MAP3K15: variants seen among roughly 807,000 people sequenced by gnomAD.
MAP3K15 encodes mitogen-activated protein kinase kinase kinase 15, also known as MAPK/ERK kinase kinase 15.
Under a neutral mutation model 99.5 loss-of-function variants are expected in MAP3K15, and 124 were observed. The ratio of observed to expected loss-of-function variants is 1.25; its 90% CI spans 1.08 to 1.45. MAP3K15 has a LOEUF of 1.45. Among genes scored for constraint, MAP3K15 ranks in the 40% most tolerant of loss-of-function variants. MAP3K15 has a pLI of 0.00. For synonymous variants in MAP3K15, 494 were observed against 439.6 expected, an observed-to-expected ratio of 1.12 and a Z score of -1.55; for missense variants, 1,242 against 1,079.7, an observed-to-expected ratio of 1.15 and a Z score of -2.11.
chrX:19,424,617 G>A (rs2063815669), intron 9 of MAP3K15, among the ~76,000 whole-genome samples: 1 of 110,356 alleles, frequency 9.1e-6, no homozygotes, highest in Non-Finnish European at 1.9e-5. Context: ...TCTGAGAGTG[G>A]GCCCAGCAAT....
At position 19,374,474 on chromosome X, in the gene MAP3K15, C is replaced by G; in HGVS notation, c.2773+3G>C. The G allele has an allele frequency of 8.3e-7, 1 of 1,209,536 alleles. No homozygotes were observed. Among genetic ancestry groups the G allele is most frequent in the South Asian group, 1.8e-5 (1 of 56,685 alleles). On this transcript the variant is annotated splice_donor_region_variant and intron_variant, in intron 20 of 28. Coordinates refer to ENST00000338883, the MANE Select transcript of MAP3K15 (RefSeq NM_001001671.4). The stretch of plus-strand genomic sequence containing the variant: ...CTGCCCCAGCTGTCCAGGGAGGCCT[C>G]ACCTGAGGGCTTGAAGGCAATTCGG...
At chrX:19,411,981 C>T (rs1366263830) in intron 11 of MAP3K15, among the ~76,000 whole-genome samples, 1 of 112,121 alleles carries the variant, frequency 8.9e-6, no homozygotes, top group Non-Finnish European at 1.9e-5. Flanking sequence ...TCACATCCAA[C>T]TGCATAGAAA....
rs775179822 is a variant in MAP3K15 at position 19,417,513 on chromosome X, C to T, written c.1440-2256G>A. On this transcript the variant is annotated intron_variant, in intron 9 of 28. Coordinates refer to ENST00000338883, the MANE Select transcript of MAP3K15 (RefSeq NM_001001671.4). ...CTGGGGGAGGGGCGCCCACCACTGC[C>T]GAGGCTTGAGTAGGTAAACAAAGCC... 6.9e-4 allele frequency among the ~76,000 whole-genome samples: 77 copies of T among 111,622 alleles called. No homozygotes were observed. The South Asian group carries it at 0.022, about 32-fold the overall frequency.
chrX:19,369,471 G>A (rs780536994), intron 24 of MAP3K15, among the ~76,000 whole-genome samples: 5 of 112,056 alleles, frequency 4.5e-5, no homozygotes, highest in South Asian at 3.7e-4. Context: ...CAAGGCCAGC[G>A]TTCAAAAGGT....
intron 19 of MAP3K15, 92 bp downstream of exon 19, chrX:19,380,028 C>A: frequency 1.0e-6 from 1 of 962,041 alleles, no homozygotes; most frequent in Non-Finnish European, 1.4e-6. Flanking sequence ...TCTCTCCTAC[C>A]TTTGTGGAGA....
rs2063287030 is a variant in MAP3K15, at chrX:19,361,482, T to C, written c.3780+11A>G. 3 of 1,204,234 alleles carry C rather than the reference T, an allele frequency of 2.5e-6. No individual in the cohort carries two copies. The highest frequency in any genetic ancestry group is 3.4e-6 in the Non-Finnish European group (3 of 889,704). ...AACAACAGCATAAGAATTTCTTTGT[T>C]GTAAATTTACCTTTTCAATTGTCTT... On this transcript the variant is annotated intron_variant, in intron 27 of 28. Transcript: ENST00000338883.
At position 19,413,402 on chromosome X, in the gene MAP3K15, G is replaced by A. The variant is rs780220344; in HGVS notation, c.1653C>T (p.Ala551=). The A allele has an allele frequency of 3.7e-5, 44 of 1,204,864 alleles. No individual in the cohort carries two copies. In the Admixed American group the frequency reaches 4.0e-4, roughly 11 times the overall value. Residue 551 remains alanine, a synonymous_variant, in exon 11 of 29, where the codon GCC becomes GCT. Coordinates refer to ENST00000338883, the MANE Select transcript of MAP3K15 (RefSeq NM_001001671.4). ...QPSYVSINNE[A]EERTVSLWHV... The stretch of plus-strand genomic sequence containing the variant: ...GCCATAAAGAAACTGTTCTCTCCTC[G>A]GCTTCATTGTTTATGGAAACATAAG...
rs571217918 is a variant in MAP3K15 at position 19,414,559 on chromosome X, G to A, written c.1590+548C>T. Among the ~76,000 whole-genome samples, 13 of 112,232 alleles carry A rather than the reference G, an allele frequency of 1.2e-4. No homozygotes were observed. In the South Asian group the frequency reaches 4.7e-3, roughly 41 times the overall value. On this transcript the variant is annotated intron_variant, in intron 10 of 28. Transcript: ENST00000338883. ...CATAACATTAAAACAAAAACTCAAGGAAAAGCTAAAAGCAATTTTGCCTTT... is the reference window on the plus strand; with the variant it reads ...CATAACATTAAAACAAAAACTCAAGAAAAAGCTAAAAGCAATTTTGCCTTT...
Position 19,371,487 on chromosome X carries a change from A to G in MAP3K15, c.3152T>C (p.Ile1051Thr), listed in dbSNP as rs1419464781. Reference protein sequence around the residue: ...LHLSVGHIKQIIGILRDFIRS... With the variant: ...LHLSVGHIKQTIGILRDFIRS... The stretch of plus-strand genomic sequence containing the variant: ...GATGAAGTCCCTCAGGATCCCAATG[A>G]TTTGCTTGATGTGTCCAACTGAGAG... The change falls in exon 23 of 29, where the codon ATC (isoleucine) becomes ACC (threonine). Residue 1051 changes from isoleucine to threonine, a missense_variant. Coordinates refer to ENST00000338883, the MANE Select transcript of MAP3K15 (RefSeq NM_001001671.4). 5 of 1,209,683 alleles carry G rather than the reference A, an allele frequency of 4.1e-6. No individual in the cohort carries two copies. Among genetic ancestry groups the G allele is most frequent in the Non-Finnish European group, 4.5e-6 (4 of 894,036 alleles).
At chrX:19,372,289 C>G (rs1352729510) in intron 22 of MAP3K15, among the ~76,000 whole-genome samples, 1 of 111,314 alleles carries the variant, frequency 9.0e-6, no homozygotes, top group Admixed American at 9.6e-5. Flanking sequence ...GAGGGCAGCT[C>G]TAGCGTGTCC....
At chrX:19,428,362 T>TC (rs1569222061) in intron 7 of MAP3K15, among the ~76,000 whole-genome samples, 2 of 111,806 alleles carry the variant, frequency 1.8e-5, no homozygotes, top group African/African-American at 6.5e-5. Flanking sequence ...GGGACTGAAT[T>TC]CCCCACCACC....
At chrX:19,452,607 G>A (rs985458481) in intron 6 of MAP3K15, among the ~76,000 whole-genome samples, 1 of 111,521 alleles carries the variant, frequency 9.0e-6, no homozygotes, top group Non-Finnish European at 1.9e-5. Flanking sequence ...CAGATGAATG[G>A]ATAAACAAAA....
chrX:19,416,993 G>C (rs1052207021), intron 9 of MAP3K15, among the ~76,000 whole-genome samples: 7 of 112,416 alleles, frequency 6.2e-5, no homozygotes, highest in African/African-American at 2.3e-4. Context: ...CCAATACAGA[G>C]AGAACCCATA....
intron 6 of MAP3K15, among the ~76,000 whole-genome samples, chrX:19,450,838 A>G (rs2064031313): frequency 9.2e-6 from 1 of 109,078 alleles, no homozygotes; most frequent in African/African-American, 3.3e-5. Context: ...AAAAGATAAC[A>G]TGTATTATTG....
chrX:19,500,348 G>A (rs1413044415), intron 1 of MAP3K15, among the ~76,000 whole-genome samples: 1 of 112,009 alleles, frequency 8.9e-6, no homozygotes, highest in Non-Finnish European at 1.9e-5. Context: ...GTTAATAATT[G>A]TCAGAGCTGG....
intron 6 of MAP3K15, among the ~76,000 whole-genome samples, chrX:19,435,442 T>C (rs1218406592): frequency 4.5e-5 from 5 of 111,397 alleles, no homozygotes; most frequent in African/African-American, 1.6e-4. Context: ...CCCAAGCTAA[T>C]GCCTAATTAG....
At chrX:19,410,183 AATG>A (rs1269053752) in intron 11 of MAP3K15, among the ~76,000 whole-genome samples, 1 of 112,343 alleles carries the variant, frequency 8.9e-6, no homozygotes, top group East Asian at 2.8e-4. Context: ...ATCCAGTTTA[AATG>A]ATGTAAATTT....
intron 6 of MAP3K15, among the ~76,000 whole-genome samples, chrX:19,434,399 A>ATTTT (rs765670026): frequency 1.1e-5 from 1 of 94,312 alleles, no homozygotes; most frequent in African/African-American, 3.7e-5. Flanking sequence ...TAATTTTTTA[A>ATTTT]TTTTTTTTTT....
At chrX:19,439,089 C>T (rs944909141) in intron 6 of MAP3K15, among the ~76,000 whole-genome samples, 8 of 111,287 alleles carry the variant, frequency 7.2e-5, no homozygotes, top group African/African-American at 2.6e-4. Context: ...CCTAGCCAGT[C>T]GGGAGTCTGA....
Sources: gnomAD v4.1 joint callset for allele counts (sites outside exome capture counted in the v4.1 genomes callset) on GRCh38, gnomAD v4.1.1 for gene constraint, MANE v1.5 for transcripts, NCBI Gene and HGNC (gene_info 2026-07-23, HGNC 2026-07-21) for gene names.